The following MIA2 variants were observed in gnomAD, a reference collection of about 807,000 sequenced individuals.
MIA2 encodes melanoma inhibitory activity protein 2.
Under a neutral mutation model 167.8 loss-of-function variants are expected in MIA2, and 127 were observed. That is an observed-to-expected ratio of 0.76 (90% CI 0.66 to 0.88). The LOEUF is 0.88. MIA2 is among the 40% of genes least tolerant of loss of function. MIA2 has a pLI of 0.00. For missense variants in MIA2, 1,690 were observed against 1,624.7 expected, an observed-to-expected ratio of 1.04 and a Z score of -0.69; for synonymous variants, 552 against 541.9, an observed-to-expected ratio of 1.02 and a Z score of -0.26.
At chr14:39,238,809 A>AAAAAAAAAAAAAAAAAAAAAAAC (rs2053904024) in intron 2 of MIA2, among the ~76,000 whole-genome samples, 1 of 146,472 alleles carries the variant, frequency 6.8e-6, no homozygotes, top group Admixed American at 6.9e-5. Flanking sequence ...AAAAAAAAAA[A>AAAAAAAAAAAAAAAAAAAAAAAC]AACCCAAAAA....
At chr14:39,266,343 C>A (rs1477870245) in intron 6 of MIA2, 1 of 985,212 alleles carries the variant, frequency 1.0e-6, no homozygotes, top group Non-Finnish European at 1.2e-6. Context: ...GCACTTTATT[C>A]GACGGTCCTA....
At chr14:39,311,466 CTTTTTTTTTTTT>C (rs35478238) in intron 18 of MIA2, among the ~76,000 whole-genome samples, 1 of 43,322 alleles carries the variant, frequency 2.3e-5, no homozygotes, top group East Asian at 1.0e-3. Flanking sequence ...TGATGTGTTG[CTTTTTTTTTTTT>C]TTTTTTTTTT....
intron 6 of MIA2, among the ~76,000 whole-genome samples, chr14:39,261,332 T>C (rs1451213719): frequency 6.6e-6 from 1 of 152,210 alleles, no homozygotes; most frequent in Non-Finnish European, 1.5e-5. Context: ...TCCTTTTTTA[T>C]GGCTGCATAG....
intron 23 of MIA2, among the ~76,000 whole-genome samples, chr14:39,379,866 C>T (rs936693612): frequency 7.2e-5 from 11 of 151,856 alleles, no homozygotes; most frequent in Admixed American, 7.2e-4. Context: ...AACCCAAAAA[C>T]CTTAAATTAC....
At chr14:39,315,840 T>G (rs910612399) in intron 21 of MIA2, 122 bp downstream of exon 21, 5 of 671,748 alleles carry the variant, frequency 7.4e-6, no homozygotes, top group Non-Finnish European at 1.2e-5. Flanking sequence ...TTCTTTTAAT[T>G]TTACAAGTAG....
intron 6 of MIA2, chr14:39,276,696 A>G (rs999314288): frequency 1.7e-5 from 7 of 413,012 alleles, no homozygotes; most frequent in African/African-American, 1.4e-4. Flanking sequence ...TCATCCTTGG[A>G]AACTTTAAGT....
chr14:39,284,848 TAAAC>T (rs1333728190), intron 9 of MIA2, among the ~76,000 whole-genome samples: 2 of 152,022 alleles, frequency 1.3e-5, no homozygotes, highest in Non-Finnish European at 2.9e-5. Flanking sequence ...GGTCAGCAGA[TAAAC>T]AAGTGAACAA....
At chr14:39,362,422 T>A (rs2074703616) in intron 23 of MIA2, among the ~76,000 whole-genome samples, 1 of 152,154 alleles carries the variant, frequency 6.6e-6, no homozygotes, top group Non-Finnish European at 1.5e-5. Flanking sequence ...TGGTAGATTG[T>A]ATTTGTCTAG....
At position 39,290,939 on chromosome 14, in the gene MIA2, T is replaced by C; in HGVS notation, c.2131-80T>C. On this transcript the variant is annotated intron_variant, in intron 9 of 28. Coordinates refer to ENST00000640607, the MANE Select transcript of MIA2 (RefSeq NM_001329214.4). The stretch of plus-strand genomic sequence containing the variant: ...ATGTATTATGTGGAAATGGATTCTG[T>C]CTGCTTCTTAGGCATCTATCCAGAT... The C allele has an allele frequency of 2.4e-6, 3 of 1,252,304 alleles. No homozygotes were observed. In the South Asian group the frequency reaches 4.2e-5, roughly 17 times the overall value. The allele number at this position is 1,252,304 out of a possible 1,614,324, so 77.6% of individuals were successfully genotyped here.
At chr14:39,252,311 G>T (rs1669051116) in intron 4 of MIA2, among the ~76,000 whole-genome samples, 1 of 152,154 alleles carries the variant, frequency 6.6e-6, no homozygotes, top group African/African-American at 2.4e-5. Context: ...CTTATAAGAG[G>T]AAGGCAGGGG....
At chr14:39,332,925 T>A (rs561707317) in intron 25 of MIA2, among the ~76,000 whole-genome samples, 3 of 152,174 alleles carry the variant, frequency 2.0e-5, no homozygotes, top group Non-Finnish European at 4.4e-5. Flanking sequence ...ACTGACTCTT[T>A]CCTTGTCATC....
intron 24 of MIA2, among the ~76,000 whole-genome samples, 183 bp from the exon 25 acceptor site, chr14:39,326,681 T>C (rs2067618762): frequency 6.6e-6 from 1 of 150,832 alleles, no homozygotes; most frequent in East Asian, 1.9e-4. Context: ...TCAGTTCTTA[T>C]AATTACTTTA....
At position 39,302,241 on chromosome 14, in the gene MIA2, C is replaced by G. The variant is rs748292860; in HGVS notation, c.2732C>G (p.Ala911Gly). The change falls in exon 15 of 29, where the codon GCT becomes GGT. Residue 911 changes from alanine to glycine, a missense_variant. By Grantham distance (60) the Ala-to-Gly change is moderately conservative (BLOSUM62 0). Transcript: ENST00000640607. ...ATGAACAGTGAATCGGAAAATGGTG[C>G]TTACTTAGGTATTAAGTCATGACTC... Reference protein sequence around the residue: ...LEMNSESENGAYLDNPPKGAL... With the variant: ...LEMNSESENGGYLDNPPKGAL... The G allele has an allele frequency of 1.9e-6, 3 of 1,613,418 alleles. No homozygotes were observed.
intron 23 of MIA2, among the ~76,000 whole-genome samples, chr14:39,365,469 ATT>A (rs899252510): frequency 4.6e-5 from 7 of 152,040 alleles, no homozygotes; most frequent in African/African-American, 1.7e-4. Flanking sequence ...GGCTTTGTTC[ATT>A]CTTATTATTT....
chr14:39,344,322 A>G (rs571352837), intron 25 of MIA2, among the ~76,000 whole-genome samples: 12 of 152,138 alleles, frequency 7.9e-5, no homozygotes, highest in South Asian at 6.2e-4. Context: ...CCCTTGTCCA[A>G]CTCCACCATT....
intron 18 of MIA2, among the ~76,000 whole-genome samples, chr14:39,309,023 C>T (rs2063787343): frequency 6.6e-6 from 1 of 152,160 alleles, no homozygotes; most frequent in African/African-American, 2.4e-5. Flanking sequence ...AGGGTGGCAC[C>T]TCAAGCTGTT....
In MIA2 at chr14:39,247,524, A is replaced by G; in HGVS notation, c.950A>G (p.Tyr317Cys). Residue 317 changes from tyrosine to cysteine, a missense_variant, in exon 4 of 29, where the codon TAT (tyrosine) becomes TGT (cysteine). Transcript: ENST00000640607. Reference protein sequence around the residue: ...TGWFGGGFTSYLGFGDEDTGL... With the variant: ...TGWFGGGFTSCLGFGDEDTGL... ...TGGTTTGGTGGAGGATTTACAAGTT[A>G]TTTAGGTTTTGGAGATGAGGATACA... 6.2e-7 allele frequency: 1 copy of G among 1,614,074 alleles called. No individual in the cohort carries two copies.
chr14:39,294,796 A>G (rs951817465), intron 12 of MIA2, 129 bp from the exon 13 acceptor site: 4 of 684,888 alleles, frequency 5.8e-6, no homozygotes, highest in South Asian at 1.8e-5. Flanking sequence ...CTGCTACACC[A>G]TGCTGCCTCT....
rs193230120 is a variant in MIA2 at position 39,261,233 on chromosome 14, T to C, written c.1887+8062T>C. 1.0e-3 allele frequency among the ~76,000 whole-genome samples: 159 copies of C among 152,188 alleles called. 1 individual carries two copies. The East Asian group carries it at 0.027, about 26-fold the overall frequency. Reference sequence around the variant, plus strand: ...CAATTCCCACCTATGAGTGAGAATATGCGGTGTTTGGTTTTTTGTTCTTGC... The same window carrying C: ...CAATTCCCACCTATGAGTGAGAATACGCGGTGTTTGGTTTTTTGTTCTTGC... On this transcript the variant is annotated intron_variant, in intron 6 of 28. Coordinates refer to ENST00000640607, the MANE Select transcript of MIA2 (RefSeq NM_001329214.4).
Sources: gnomAD v4.1 joint callset for allele counts (sites outside exome capture counted in the v4.1 genomes callset) on GRCh38, gnomAD v4.1.1 for gene constraint, MANE v1.5 for transcripts, NCBI Gene and HGNC (gene_info 2026-07-23, HGNC 2026-07-21) for gene names.